Variants in LAMA3 observed in about 807,000 individuals in gnomAD.
LAMA3 encodes laminin subunit alpha 3.
Under a neutral mutation model 402.0 loss-of-function variants are expected in LAMA3, and 281 were observed. The observed-to-expected ratio is 0.70, with a 90% CI of 0.63 to 0.77. The LOEUF is 0.77. Among genes scored for constraint, LAMA3 ranks in the 30% least tolerant of loss-of-function variants. The pLI is 0.00. For synonymous variants in LAMA3, 1,431 were observed against 1,558.4 expected (o/e 0.92, Z 1.93); for missense variants, 3,840 against 4,215.5 (o/e 0.91, Z 2.47).
At chr18:23,793,506 C>G (rs2062702334) in intron 12 of LAMA3, among the ~76,000 whole-genome samples, 1 of 151,748 alleles carries the variant, frequency 6.6e-6, no homozygotes, top group Admixed American at 6.6e-5. Flanking sequence ...AAGGGAATGG[C>G]AGGAGAGAGG....
rs112046115 is a variant in LAMA3 at position 23,750,282 on chromosome 18, G to A, written c.685-636G>A. Among the ~76,000 whole-genome samples the A allele has an allele frequency of 5.2e-3, 795 of 152,226 alleles. 7 individuals carry two copies. The highest frequency in any genetic ancestry group is 0.018 in the African/African-American group (761 of 41,538). ...AGTTTCAAATAAACTTCCTTCAAAGGTGTCAGCCTCCCTCTCTTTAAGTAG... is the reference window on the plus strand; with the variant it reads ...AGTTTCAAATAAACTTCCTTCAAAGATGTCAGCCTCCCTCTCTTTAAGTAG... On this transcript the variant is annotated intron_variant, in intron 4 of 74. Transcript: ENST00000313654.
chr18:23,818,279 C>T (rs1205223452), intron 18 of LAMA3, among the ~76,000 whole-genome samples: 1 of 152,234 alleles, frequency 6.6e-6, no homozygotes, highest in East Asian at 1.9e-4. Context: ...AGGTGATTGA[C>T]TGATTTTCAG....
chr18:23,725,414 C>A (rs1445829286), intron 2 of LAMA3, among the ~76,000 whole-genome samples: 1 of 152,178 alleles, frequency 6.6e-6, no homozygotes, highest in Admixed American at 6.5e-5. Context: ...CCCGGCCTAA[C>A]CCACCATTCT....
rs781428701 is a variant in LAMA3, at chr18:23,928,700, C to A, written c.8371C>A (p.Leu2791Ile). 6.2e-7 allele frequency: 1 copy of A among 1,613,822 alleles called. No homozygotes were observed. Among genetic ancestry groups the A allele is most frequent in the Admixed American group, 1.7e-5 (1 of 60,030 alleles). Residue 2791 changes from leucine (L) to isoleucine (I), a missense_variant, in exon 64 of 75, where the codon CTC (leucine) becomes ATC (isoleucine). Transcript: ENST00000313654. ...TDLGLPPTDH[L>I]QASFGFQTFQ... ...TTTGGGCTTACCACCTACTGACCAC[C>A]TCCAGGCCTCATTTGGATTTCAGAC...
At chr18:23,928,311 G>C in intron 63 of LAMA3, 71 bp downstream of exon 63, 1 of 984,396 alleles carries the variant, frequency 1.0e-6, no homozygotes, top group Non-Finnish European at 1.6e-6. Context: ...CATTAACGCA[G>C]CAACTTTTGA....
intron 42 of LAMA3, among the ~76,000 whole-genome samples, chr18:23,892,356 C>T (rs1008196599): frequency 9.2e-5 from 14 of 151,980 alleles, no homozygotes; most frequent in African/African-American, 3.1e-4. Flanking sequence ...TTGCTTATTC[C>T]TGTTAGAGTT....
chr18:23,775,663 C>CTG, intron 9 of LAMA3, 129 bp from the exon 10 acceptor site: 1 of 1,022,052 alleles, frequency 9.8e-7, no homozygotes, highest in Non-Finnish European at 1.5e-6. Flanking sequence ...GGGAAATAGG[C>CTG]TGTGCCCTTT....
intron 25 of LAMA3, among the ~76,000 whole-genome samples, chr18:23,837,801 G>A (rs959853148): frequency 6.6e-6 from 1 of 151,720 alleles, no homozygotes; most frequent in Non-Finnish European, 1.5e-5. Context: ...CTGATACTAC[G>A]CATGCATCAC....
At position 23,777,612 on chromosome 18, in the gene LAMA3, T is replaced by C; in HGVS notation, c.1461T>C (p.Asp487=). 1 of 1,610,258 alleles carries C rather than the reference T, an allele frequency of 6.2e-7. No individual in the cohort carries two copies. The highest frequency in any genetic ancestry group is 8.5e-7 in the Non-Finnish European group (1 of 1,176,434). The change falls in exon 11 of 75, where the codon GAT becomes GAC. Residue 487 remains aspartate (D), a synonymous_variant. Coordinates refer to ENST00000313654, the MANE Select transcript of LAMA3 (RefSeq NM_198129.4). ...GTTCAGAAGATCCAGTAGCTGGAGA[T>C]ATAAAAGGCAAGTAACCTCCCTTTT... ...TPSSEDPVAG[D]IKGCDCNLEG...
At chr18:23,699,024 TAG>T (rs34691495) in intron 1 of LAMA3, among the ~76,000 whole-genome samples, 9,535 of 142,292 alleles carry the variant, frequency 0.067, 585 homozygotes, top group Admixed American at 0.18. Flanking sequence ...GGCGGGCAGA[TAG>T]AGAGAGAGAG....
chr18:23,951,818 G>A (rs2082925496), intron 73 of LAMA3, 41 bp downstream of exon 73: 4 of 1,464,228 alleles, frequency 2.7e-6, no homozygotes, highest in African/African-American at 1.4e-5. Context: ...ACTAAAACAG[G>A]CCCCCTTTCC....
At chr18:23,830,516 G>A (rs900341861) in intron 23 of LAMA3, among the ~76,000 whole-genome samples, 7 of 152,164 alleles carry the variant, frequency 4.6e-5, no homozygotes, top group African/African-American at 1.7e-4. Context: ...CAGTGGATAT[G>A]TTTCAGTCCT....
rs2082060634 is a variant in LAMA3 at position 23,928,126 on chromosome 18, T to C, written c.8181T>C (p.Phe2727=). ...GGIPIAIRER[F]NISTPAFRGC... ...TTTTATCTGTGTTCGTAATCAGATT[T>C]AACATTTCTACGCCTGCTTTCCGAG... Residue 2727 remains phenylalanine, a synonymous_variant, in exon 63 of 75, where the codon TTT becomes TTC. Coordinates refer to ENST00000313654, the MANE Select transcript of LAMA3 (RefSeq NM_198129.4). The C allele has an allele frequency of 6.2e-7, 1 of 1,608,898 alleles. No individual in the cohort carries two copies.
At chr18:23,735,387 T>TA (rs2061456756) in intron 2 of LAMA3, among the ~76,000 whole-genome samples, 1 of 152,220 alleles carries the variant, frequency 6.6e-6, no homozygotes, top group Admixed American at 6.5e-5. Flanking sequence ...AAGAAGTTGT[T>TA]AGAGAGTTGT....
At chr18:23,878,953 C>T (rs951344679) in intron 39 of LAMA3, among the ~76,000 whole-genome samples, 1 of 151,736 alleles carries the variant, frequency 6.6e-6, no homozygotes, top group Non-Finnish European at 1.5e-5. Context: ...CTTCTCATTG[C>T]CCCAATTTCT....
intron 48 of LAMA3, 142 bp downstream of exon 48, chr18:23,901,465 A>G (rs1344386002): frequency 2.8e-6 from 2 of 720,352 alleles, no homozygotes; most frequent in Non-Finnish European, 4.8e-6. Flanking sequence ...GACAGGAACA[A>G]AGCGTTAAGT....
chr18:23,814,383 T>C lies in LAMA3; in HGVS notation c.1789-20T>C, dbSNP rs1433301709. ...TCTTAATTCCAAGATGTCAAATGTT[T>C]GTTTGATTTTCATTCAAAGGGGTAT... On this transcript the variant is annotated intron_variant, in intron 14 of 74. Transcript: ENST00000313654. 2 of 1,523,960 alleles carry C rather than the reference T, an allele frequency of 1.3e-6. No individual in the cohort carries two copies. The highest frequency in any genetic ancestry group is 2.3e-5 in the East Asian group (1 of 44,424). 94.4% of individuals were successfully genotyped at this position (1,523,960 alleles called of 1,614,324 possible).
At chr18:23,734,950 A>G (rs1014798594) in intron 2 of LAMA3, among the ~76,000 whole-genome samples, 11 of 152,190 alleles carry the variant, frequency 7.2e-5, no homozygotes, top group African/African-American at 2.7e-4. Context: ...TTTGGGATGG[A>G]CTTAGTCCCT....
chr18:23,720,327 T>A (rs905103184), intron 2 of LAMA3, among the ~76,000 whole-genome samples: 1 of 152,174 alleles, frequency 6.6e-6, no homozygotes, highest in South Asian at 2.1e-4. Context: ...TAGAACAATT[T>A]TGCTATTAAT....
Sources: allele counts gnomAD v4.1 joint callset (sites outside exome capture counted in the v4.1 genomes callset), GRCh38; gene constraint gnomAD v4.1.1; transcripts MANE v1.5; gene names NCBI Gene and HGNC (gene_info 2026-07-23, HGNC 2026-07-21).